FUT8: variants seen among roughly 807,000 people sequenced by gnomAD.
The protein encoded by FUT8 is fucosyltransferase 8.
Under a neutral mutation model 71.3 loss-of-function variants are expected in FUT8, and 29 were observed. The ratio of observed to expected loss-of-function variants is 0.41; its 90% CI spans 0.30 to 0.55. The LOEUF is 0.55. FUT8 is among the 20% of genes least tolerant of loss of function. FUT8 has a pLI of 0.34. For missense variants in FUT8, 544 were observed against 702.1 expected (o/e 0.77, Z 2.55); for synonymous variants, 254 against 239.3 (o/e 1.06, Z -0.57).
intron 5 of FUT8, among the ~76,000 whole-genome samples, chr14:65,618,250 T>C (rs1391794977): frequency 6.6e-6 from 1 of 151,592 alleles, no homozygotes; most frequent in Non-Finnish European, 1.5e-5. Context: ...ATAATATAAT[T>C]TGTTTATATA....
chr14:65,372,036 TTC>T, the FUT8 span, among the ~76,000 whole-genome samples: 2 of 152,226 alleles, frequency 1.3e-5, no homozygotes, highest in Admixed American at 6.5e-5. Context: ...CATCTTCATT[TTC>T]TCTCTTTCTG....
chr14:65,597,245 T>G (rs1422430808), intron 3 of FUT8, among the ~76,000 whole-genome samples: 1 of 152,184 alleles, frequency 6.6e-6, no homozygotes, highest in Non-Finnish European at 1.5e-5. Context: ...ATCTCTATAT[T>G]ATTTTTCTGG....
intron 2 of FUT8, among the ~76,000 whole-genome samples, chr14:65,502,003 C>G (rs1216333664): frequency 6.6e-6 from 1 of 151,814 alleles, no homozygotes; most frequent in East Asian, 1.9e-4. Flanking sequence ...CCCGAGCTCC[C>G]AAACTCAAGC....
At chr14:65,583,451 T>G (rs1379022375) in intron 3 of FUT8, among the ~76,000 whole-genome samples, 1 of 152,196 alleles carries the variant, frequency 6.6e-6, no homozygotes, top group Non-Finnish European at 1.5e-5. Context: ...CATTTTCATG[T>G]CATTGTGAAA....
chr14:65,411,277 T>C (rs1337428126), upstream of FUT8: 1 of 151,780 alleles, frequency 6.6e-6, no homozygotes, highest in Non-Finnish European at 1.5e-5. Flanking sequence ...CACTCTACTT[T>C]CCTTTCAATT....
At chr14:65,677,258 A>G (rs1292203890) in intron 7 of FUT8, among the ~76,000 whole-genome samples, 1 of 152,066 alleles carries the variant, frequency 6.6e-6, no homozygotes, top group East Asian at 1.9e-4. Flanking sequence ...TCAAAAGCAG[A>G]TTACAGAATC....
rs1475177592 is a variant in FUT8, at chr14:65,742,688, A to T, written c.*278A>T. On this transcript the variant is annotated 3_prime_UTR_variant, in exon 11 of 11. Coordinates refer to ENST00000673929, the MANE Select transcript of FUT8 (RefSeq NM_001371533.1). ...TGTTTTCTACTTTGCCCCTTTCAGT[A>T]TGTCCCCATAAGACAAACACTGCCA... is the stretch of plus-strand genomic sequence containing the variant. 3.0e-6 allele frequency: 1 copy of T among 335,090 alleles called. No homozygotes were observed. Among genetic ancestry groups the T allele is most frequent in the Admixed American group, 4.3e-5 (1 of 23,510 alleles). 20.8% of individuals were successfully genotyped at this position (335,090 alleles called of 1,614,324 possible). A position where few individuals can be genotyped will look rare whatever the true frequency, so the allele number is the denominator to read the frequency against.
intron 2 of FUT8, among the ~76,000 whole-genome samples, chr14:65,470,704 A>C (rs775523356): frequency 3.9e-5 from 6 of 152,016 alleles, no homozygotes; most frequent in African/African-American, 7.2e-5. Context: ...CCCTGCACAG[A>C]GCCTCCTCCT....
At chr14:65,593,749 T>A (rs1021714355) in intron 3 of FUT8, among the ~76,000 whole-genome samples, 3 of 152,232 alleles carry the variant, frequency 2.0e-5, no homozygotes, top group Admixed American at 2.0e-4. Flanking sequence ...GCTAATTTTG[T>A]ATTTTTAATA....
intron 7 of FUT8, among the ~76,000 whole-genome samples, chr14:65,698,022 G>A (rs1332181239): frequency 2.0e-5 from 3 of 151,548 alleles, no homozygotes; most frequent in African/African-American, 7.3e-5. Flanking sequence ...AAAATAAGTT[G>A]GTTTTAAATG....
In FUT8 at chr14:65,638,404, G is replaced by A. The variant is rs904150963; in HGVS notation, c.597+8798G>A. On this transcript the variant is annotated intron_variant, in intron 6 of 10. Transcript: ENST00000673929. This position sits in a 1 kb window ranked among gnomAD's most constrained non-coding sequence, Gnocchi z 4.5. Reference sequence around the variant, plus strand: ...TTGCTTTGGTTTATGTTTTGAATAGGACTTTTACTGGAAATTGGTAGATTA... The same window carrying A: ...TTGCTTTGGTTTATGTTTTGAATAGAACTTTTACTGGAAATTGGTAGATTA... Among the ~76,000 whole-genome samples the A allele has an allele frequency of 6.6e-6, 1 of 151,904 alleles. No homozygotes were observed. The highest frequency in any genetic ancestry group is 1.5e-5 in the Non-Finnish European group (1 of 67,946).
chr14:65,629,525 G>C lies in FUT8; in HGVS notation c.516G>C (p.Gln172His). ...SIMTDLYYLSQTDGAGDWREK... is the reference protein window; with the variant it reads ...SIMTDLYYLSHTDGAGDWREK... Reference sequence around the variant, plus strand: ...TGACGGATCTATACTACCTCAGTCAGACAGATGGAGCAGGTGATTGGCGGG... The same window carrying C: ...TGACGGATCTATACTACCTCAGTCACACAGATGGAGCAGGTGATTGGCGGG... The change falls in exon 6 of 11, where the codon CAG (glutamine) becomes CAC (histidine). Residue 172 changes from glutamine to histidine, a missense_variant. Gln to His is a conservative substitution (Grantham distance 24). Coordinates refer to ENST00000673929, the MANE Select transcript of FUT8 (RefSeq NM_001371533.1). The C allele has an allele frequency of 6.2e-7, 1 of 1,613,816 alleles. No homozygotes were observed.
intron 2 of FUT8, among the ~76,000 whole-genome samples, chr14:65,500,342 C>T (rs1191003487): frequency 6.6e-6 from 1 of 152,034 alleles, no homozygotes; most frequent in Admixed American, 6.6e-5. Context: ...GCATCATCGT[C>T]GTCATCATTG....
intron 2 of FUT8, among the ~76,000 whole-genome samples, chr14:65,515,700 A>G (rs753714059): frequency 1.3e-5 from 2 of 152,194 alleles, no homozygotes; most frequent in African/African-American, 2.4e-5. Context: ...TCAAATCAAT[A>G]TAATTTCTTT....
chr14:65,700,380 T>TG (rs1894222234), intron 7 of FUT8, among the ~76,000 whole-genome samples: 1 of 117,472 alleles, frequency 8.5e-6, no homozygotes, highest in Non-Finnish European at 1.8e-5. Context: ...TCTTTCTTTC[T>TG]GTTTTTTTTT....
intron 2 of FUT8, among the ~76,000 whole-genome samples, chr14:65,505,013 C>G (rs576477563): frequency 6.6e-6 from 1 of 152,196 alleles, no homozygotes; most frequent in Non-Finnish European, 1.5e-5. Context: ...ACTATTCTTA[C>G]TGAGACTACA....
intron 2 of FUT8, among the ~76,000 whole-genome samples, chr14:65,515,079 C>A (rs1238561836): frequency 6.6e-6 from 1 of 152,092 alleles, no homozygotes; most frequent in Non-Finnish European, 1.5e-5. Flanking sequence ...AACATAAAAT[C>A]AGTAATACAC....
intron 7 of FUT8, among the ~76,000 whole-genome samples, chr14:65,673,224 T>G (rs891919713): frequency 6.6e-6 from 1 of 152,230 alleles, no homozygotes; most frequent in Non-Finnish European, 1.5e-5. Flanking sequence ...CTTCTCTCCA[T>G]GCCTCATTTC....
rs780755938 is a variant in FUT8 at position 65,742,352 on chromosome 14, A to T, written c.1670A>T (p.Lys557Ile). 6.2e-7 allele frequency: 1 copy of T among 1,612,800 alleles called. No homozygotes were observed. The change falls in exon 11 of 11, where the codon AAA becomes ATA. Residue 557 changes from lysine to isoleucine, a missense_variant. By Grantham distance (102) the Lys-to-Ile change is moderately radical. Transcript: ENST00000673929. ...LGRTGLYPSY[K>I]VREKIETVKY... ...AGGACGGGCCTATATCCCTCCTACAAAGTTCGAGAGAAGATAGAAACGGTC... is the reference window on the plus strand; with the variant it reads ...AGGACGGGCCTATATCCCTCCTACATAGTTCGAGAGAAGATAGAAACGGTC...
Sources: gnomAD v4.1 joint callset for allele counts (sites outside exome capture counted in the v4.1 genomes callset) on GRCh38, gnomAD v4.1.1 for gene constraint, Gnocchi (gnomAD v3.1) non-coding constraint, MANE v1.5 for transcripts, NCBI Gene and HGNC (gene_info 2026-07-23, HGNC 2026-07-21) for gene names.